Variants in USP48 observed in about 807,000 individuals in gnomAD.
USP48 encodes the protein ubiquitin specific peptidase 48, also known as ubiquitin carboxyl-terminal hydrolase 48.
Under a neutral mutation model 150.7 loss-of-function variants are expected in USP48, and 43 were observed. That is an observed-to-expected ratio of 0.29 (90% CI 0.22 to 0.37). The LOEUF (loss-of-function observed/expected upper bound fraction) is 0.37, where lower values mean the gene tolerates loss of function less well. Among genes scored for constraint, USP48 ranks in the 10% least tolerant of loss-of-function variants. The probability of loss-of-function intolerance (pLI) is 1.00; values close to 1 mark genes in which losing one functional copy is unlikely to be tolerated. For missense variants in USP48, 813 were observed against 1,249.6 expected (o/e 0.65, Z 5.27); for synonymous variants, 396 against 425.9 (o/e 0.93, Z 0.86).
chr1:21,688,740 G>A (rs951305834), intron 24 of USP48, among the ~76,000 whole-genome samples: 1 of 151,154 alleles, frequency 6.6e-6, no homozygotes, highest in African/African-American at 2.4e-5. Flanking sequence ...ATACTCGGGA[G>A]GCCGCGGCAG....
At chr1:21,694,876 G>A (rs1375048807) in intron 23 of USP48, among the ~76,000 whole-genome samples, 190 bp downstream of exon 23, 1 of 152,124 alleles carries the variant, frequency 6.6e-6, no homozygotes, top group East Asian at 1.9e-4. Flanking sequence ...AGCTATTGCA[G>A]AACCAGCCCA....
At chr1:21,726,734 C>CT (rs2097738248) in intron 11 of USP48, among the ~76,000 whole-genome samples, 1 of 152,138 alleles carries the variant, frequency 6.6e-6, no homozygotes, top group Non-Finnish European at 1.5e-5. Context: ...GAAAAAGACT[C>CT]TAAGTAGGCC....
In USP48 at chr1:21,754,449, T is replaced by C. The variant is rs373124355; in HGVS notation, c.413-1330A>G. Among the ~76,000 whole-genome samples, 25 of 152,346 alleles carry C rather than the reference T, an allele frequency of 1.6e-4. No individual in the cohort carries two copies. In the East Asian group the frequency reaches 3.3e-3, roughly 20 times the overall value. ...GGAATGGAAGCAGAAAGCATGGATA[T>C]TGAGAGCCCAGAAGACAGAAGTCTT... On this transcript the variant is annotated intron_variant, in intron 3 of 26. Coordinates refer to ENST00000308271, the MANE Select transcript of USP48 (RefSeq NM_032236.8).
intron 4 of USP48, 55 bp from the exon 5 acceptor site, chr1:21,752,706 T>G (rs1207972107): frequency 6.5e-7 from 1 of 1,529,458 alleles, no homozygotes; most frequent in African/African-American, 1.4e-5. Flanking sequence ...CAACTTCTAC[T>G]ACAAATAGTA....
intron 1 of USP48, among the ~76,000 whole-genome samples, chr1:21,778,469 T>C (rs1034761609): frequency 3.3e-5 from 5 of 151,724 alleles, no homozygotes; most frequent in African/African-American, 4.8e-5. Flanking sequence ...AACCTGACAA[T>C]TCCTCAAAAT....
intron 12 of USP48, among the ~76,000 whole-genome samples, chr1:21,723,196 A>G (rs1488046830): frequency 6.6e-6 from 1 of 152,094 alleles, no homozygotes; most frequent in Non-Finnish European, 1.5e-5. Context: ...TAAACTAAGT[A>G]ACCATCTACA....
intron 23 of USP48, among the ~76,000 whole-genome samples, chr1:21,693,905 A>G: frequency 6.6e-6 from 1 of 152,238 alleles, no homozygotes; most frequent in East Asian, 1.9e-4. Context: ...AATTACAATG[A>G]TAAATATCAG....
chr1:21,694,416 C>T (rs1214396851), intron 23 of USP48, among the ~76,000 whole-genome samples: 1 of 151,102 alleles, frequency 6.6e-6, no homozygotes, highest in African/African-American at 2.4e-5. Context: ...ACTAAAAATA[C>T]AAAAATTAGC....
chr1:21,758,090 C>A (rs1383023234), intron 1 of USP48, among the ~76,000 whole-genome samples: 3 of 151,906 alleles, frequency 2.0e-5, no homozygotes, highest in African/African-American at 7.3e-5. Context: ...TTCATTACAG[C>A]ACTGTCTGTT....
intron 1 of USP48, among the ~76,000 whole-genome samples, chr1:21,758,140 A>G (rs1380863368): frequency 6.6e-6 from 1 of 151,804 alleles, no homozygotes; most frequent in Non-Finnish European, 1.5e-5. Context: ...GCCCAAAAAT[A>G]GACAATATGG....
chr1:21,749,792 G>A (rs967560621), intron 6 of USP48, among the ~76,000 whole-genome samples: 3 of 151,768 alleles, frequency 2.0e-5, no homozygotes, highest in South Asian at 2.1e-4. Context: ...TTGCAAAGAC[G>A]GTCTATCACT....
intron 25 of USP48, chr1:21,686,352 T>C (rs1331979558): frequency 5.3e-5 from 8 of 152,244 alleles, no homozygotes; most frequent in Non-Finnish European, 4.4e-5. Context: ...TATTGAGGTA[T>C]GTTCCTTCTG....
intron 1 of USP48, among the ~76,000 whole-genome samples, chr1:21,772,260 G>T (rs754957352): frequency 2.0e-5 from 3 of 151,902 alleles, no homozygotes; most frequent in African/African-American, 7.3e-5. Flanking sequence ...AAAAACTAAC[G>T]TACCAAAAGG....
At chr1:21,723,797 C>A in intron 12 of USP48, 101 bp downstream of exon 12, 1 of 1,038,120 alleles carries the variant, frequency 9.6e-7, no homozygotes, top group Non-Finnish European at 1.4e-6. Context: ...TTTGGTCTAG[C>A]ATAGTTTGGG....
chr1:21,744,704 G>A (rs2097790071), intron 8 of USP48, among the ~76,000 whole-genome samples: 1 of 146,008 alleles, frequency 6.8e-6, no homozygotes, highest in Non-Finnish European at 1.5e-5. Flanking sequence ...TTGAACCCAG[G>A]AGATGGAGGG....
At chr1:21,702,399 A>C (rs181364943) in intron 21 of USP48, among the ~76,000 whole-genome samples, 144 of 152,150 alleles carry the variant, frequency 9.5e-4, no homozygotes, top group Middle Eastern at 3.4e-3. Flanking sequence ...GCCATCCCTA[A>C]TATAATAAAA....
intron 15 of USP48, among the ~76,000 whole-genome samples, chr1:21,707,941 G>A (rs1461047277): frequency 6.6e-6 from 1 of 152,122 alleles, no homozygotes; most frequent in Non-Finnish European, 1.5e-5. Context: ...GAAGCAGGTG[G>A]ATCACTTGTC....
At chr1:21,728,473 A>G (rs982801245) in intron 11 of USP48, 97 bp downstream of exon 11, 38 of 1,509,484 alleles carry the variant, frequency 2.5e-5, no homozygotes, top group Non-Finnish European at 3.2e-5. Flanking sequence ...GGTTATTAGA[A>G]AGAGTAAGTT....
chr1:21,694,969 A>G, intron 23 of USP48, 97 bp downstream of exon 23: 2 of 1,255,252 alleles, frequency 1.6e-6, no homozygotes, highest in Non-Finnish European at 2.1e-6. Context: ...CTGGAAAAAA[A>G]CACAGATACA....
Sources: allele counts gnomAD v4.1 joint callset (sites outside exome capture counted in the v4.1 genomes callset), GRCh38; gene constraint gnomAD v4.1.1; transcripts MANE v1.5; gene names NCBI Gene and HGNC (gene_info 2026-07-23, HGNC 2026-07-21).